The following SLCO1C1 variants were observed in gnomAD, a reference collection of about 807,000 sequenced individuals.
SLCO1C1 encodes OAT-RP-5.
Under a neutral mutation model 76.4 loss-of-function variants are expected in SLCO1C1, and 70 were observed. The observed-to-expected ratio is 0.92, with a 90% confidence interval of 0.76 to 1.12. SLCO1C1 has a LOEUF of 1.12. Among genes scored for constraint, SLCO1C1 ranks in the 50% most tolerant of loss-of-function variants. SLCO1C1 has a pLI of 0.00. For synonymous variants in SLCO1C1, 306 were observed against 286.1 expected (o/e 1.07, Z -0.70); for missense variants, 912 against 823.8 (o/e 1.11, Z -1.31).
chr12:20,713,419 T>G (rs2120692974), intron 5 of SLCO1C1, among the ~76,000 whole-genome samples: 1 of 152,324 alleles, frequency 6.6e-6, no homozygotes, highest in East Asian at 1.9e-4. Flanking sequence ...AGGAAATATT[T>G]AAACCTGTAA....
At chr12:20,707,939 ATTTG>A (rs1946865173) in intron 4 of SLCO1C1, among the ~76,000 whole-genome samples, 1 of 152,300 alleles carries the variant, frequency 6.6e-6, no homozygotes, top group South Asian at 2.1e-4. Flanking sequence ...TAGAGGATAT[ATTTG>A]TTTATTTATT....
chr12:20,729,558 G>A (rs1207087421), intron 9 of SLCO1C1, among the ~76,000 whole-genome samples: 2 of 151,870 alleles, frequency 1.3e-5, no homozygotes, highest in Non-Finnish European at 2.9e-5. Context: ...CTCCTGATGA[G>A]CAAGAAAATG....
At chr12:20,742,424 T>C (rs907221313) in intron 12 of SLCO1C1, among the ~76,000 whole-genome samples, 2 of 152,068 alleles carry the variant, frequency 1.3e-5, no homozygotes, top group African/African-American at 2.4e-5. Flanking sequence ...AGTAGTTATA[T>C]ACATCATTAT....
Position 20,696,549 on chromosome 12 carries a change from T to C in SLCO1C1, c.-26+742T>C, listed in dbSNP as rs78014081. On this transcript the variant is annotated intron_variant, in intron 1 of 14. Transcript: ENST00000266509. Reference sequence around the variant, plus strand: ...AATGAGGACTGATTATTCAATGTTTTTGAACCAAAGGAAGAGAAACTGCTT... The same window carrying C: ...AATGAGGACTGATTATTCAATGTTTCTGAACCAAAGGAAGAGAAACTGCTT... Among the ~76,000 whole-genome samples, 70 of 152,252 alleles carry C rather than the reference T, an allele frequency of 4.6e-4. 1 individual carries two copies. The East Asian group carries it at 0.011, about 24-fold the overall frequency.
At chr12:20,713,438 G>A (rs1474191974) in intron 5 of SLCO1C1, among the ~76,000 whole-genome samples, 1 of 152,152 alleles carries the variant, frequency 6.6e-6, no homozygotes, top group East Asian at 1.9e-4. Context: ...AATGTAAAAA[G>A]GTGAAAGGTG....
At chr12:20,731,989 A>G (rs1948294516) in intron 9 of SLCO1C1, among the ~76,000 whole-genome samples, 1 of 152,188 alleles carries the variant, frequency 6.6e-6, no homozygotes, top group African/African-American at 2.4e-5. Flanking sequence ...CATTCAAAGA[A>G]TTACCTGCAG....
At chr12:20,729,284 T>C (rs1948164839) in intron 9 of SLCO1C1, among the ~76,000 whole-genome samples, 1 of 152,196 alleles carries the variant, frequency 6.6e-6, no homozygotes, top group Admixed American at 6.5e-5. Flanking sequence ...ATATTTGAAA[T>C]GTACTAATCT....
At chr12:20,706,487 C>G (rs539353723) in intron 4 of SLCO1C1, among the ~76,000 whole-genome samples, 124 of 152,102 alleles carry the variant, frequency 8.2e-4, no homozygotes, top group Non-Finnish European at 1.4e-3. Flanking sequence ...GATATATTAT[C>G]AACTCAAACA....
In SLCO1C1 at chr12:20,731,929, A is replaced by G. The variant is rs1273760240; in HGVS notation, c.1187-980A>G. 2.6e-5 allele frequency among the ~76,000 whole-genome samples: 4 copies of G among 152,176 alleles called. No homozygotes were observed. In the South Asian group the frequency reaches 6.2e-4, roughly 24 times the overall value. On this transcript the variant is annotated intron_variant, in intron 9 of 14. Coordinates refer to ENST00000266509, the MANE Select transcript of SLCO1C1 (RefSeq NM_017435.5). ...CAAATAATGGAATTTAGTTACCTCA[A>G]TAATGCTATTATTAGCTCCGTATTA...
chr12:20,710,209 T>C (rs1311319346), intron 4 of SLCO1C1, among the ~76,000 whole-genome samples: 2 of 135,444 alleles, frequency 1.5e-5, no homozygotes, highest in Admixed American at 1.4e-4. Flanking sequence ...TCTTTTTTTT[T>C]TTTTTTTTTT....
intron 5 of SLCO1C1, among the ~76,000 whole-genome samples, chr12:20,713,086 T>TG (rs1214509544): frequency 6.7e-6 from 1 of 150,296 alleles, no homozygotes; most frequent in African/African-American, 2.4e-5. Flanking sequence ...ATGTTTTCTT[T>TG]TTTTTTTTTT....
chr12:20,747,449 A>G (rs7137980), intron 13 of SLCO1C1, among the ~76,000 whole-genome samples: 66,238 of 151,950 alleles, frequency 0.44, 17,166 homozygotes, highest in South Asian at 0.63. Flanking sequence ...AGAGTTCAGA[A>G]TGGGGAGAGA....
chr12:20,698,086 C>T (rs1022455041), intron 1 of SLCO1C1, among the ~76,000 whole-genome samples: 3 of 151,924 alleles, frequency 2.0e-5, no homozygotes, highest in African/African-American at 7.2e-5. Flanking sequence ...TTGCTAGAAA[C>T]TTATCCATTA....
chr12:20,717,191 T>G lies in SLCO1C1; in HGVS notation c.736T>G (p.Cys246Gly). The change falls in exon 7 of 15, where the codon TGT becomes GGT. Residue 246 changes from cysteine (C) to glycine (G), a missense_variant. Coordinates refer to ENST00000266509, the MANE Select transcript of SLCO1C1 (RefSeq NM_017435.5). ...CTTTGGTTTCCTGTTAGGCTCATTA[T>G]GTGCCAAACTATATGTTGACATTGG... ...PIFGFLLGSL[C>G]AKLYVDIGFV... 6.2e-7 allele frequency: 1 copy of G among 1,600,006 alleles called. No individual in the cohort carries two copies.
chr12:20,703,390 T>A (rs1009142970), intron 3 of SLCO1C1, among the ~76,000 whole-genome samples: 7 of 132,468 alleles, frequency 5.3e-5, no homozygotes, highest in African/African-American at 2.0e-4. Context: ...TATCTTTCTT[T>A]GCAACTCTTA....
At position 20,701,351 on chromosome 12, in the gene SLCO1C1, G is replaced by C; in HGVS notation, c.163G>C (p.Ala55Pro). ...FLCALSFVYF[A>P]KALAEGYLKS... Reference sequence around the variant, plus strand: ...GTGTGCCTTGTCTTTTGTTTACTTTGCCAAAGCATTGGCAGAAGGCTATCT... The same window carrying C: ...GTGTGCCTTGTCTTTTGTTTACTTTCCCAAAGCATTGGCAGAAGGCTATCT... Residue 55 changes from alanine to proline, a missense_variant, in exon 3 of 15, where the codon GCC becomes CCC. Physicochemically the swap from Ala to Pro is conservative, Grantham distance 27. Transcript: ENST00000266509. The C allele has an allele frequency of 6.5e-7, 1 of 1,537,952 alleles. No individual in the cohort carries two copies.
chr12:20,751,860 T>C (rs1408294584), intron 14 of SLCO1C1, among the ~76,000 whole-genome samples: 1 of 152,154 alleles, frequency 6.6e-6, no homozygotes, highest in Non-Finnish European at 1.5e-5. Context: ...CCAATTCCCA[T>C]TAGCATTTCT....
intron 12 of SLCO1C1, among the ~76,000 whole-genome samples, chr12:20,742,846 T>TA (rs1339542023): frequency 1.3e-5 from 2 of 152,110 alleles, no homozygotes; most frequent in Non-Finnish European, 2.9e-5. Flanking sequence ...CTGATTTTTT[T>TA]AAATTCCCTT....
chr12:20,738,875 C>T (rs966414065), intron 11 of SLCO1C1, among the ~76,000 whole-genome samples: 2 of 151,918 alleles, frequency 1.3e-5, no homozygotes, highest in African/African-American at 2.4e-5. Flanking sequence ...ATCTAGTGAG[C>T]GACCAGAATT....
Sources: allele counts gnomAD v4.1 joint callset (sites outside exome capture counted in the v4.1 genomes callset), GRCh38; gene constraint gnomAD v4.1.1; transcripts MANE v1.5; gene names NCBI Gene and HGNC (gene_info 2026-07-23, HGNC 2026-07-21).